The following ECSIT variants were observed in gnomAD, a reference collection of about 807,000 sequenced individuals.
The protein encoded by ECSIT is evolutionarily conserved signaling intermediate in Toll pathway, mitochondrial.
In ECSIT, 29 loss-of-function variants were observed where a neutral mutation model predicts 36.8. The ratio of observed to expected loss-of-function variants is 0.79; its 90% CI spans 0.59 to 1.08. The LOEUF (loss-of-function observed/expected upper bound fraction) is 1.08. Ranked by LOEUF, ECSIT falls within the 50% of genes least tolerant of loss-of-function variation. The pLI, the probability that ECSIT is intolerant of heterozygous loss-of-function variation, is 0.00. For synonymous variants in ECSIT, 231 were observed against 234.8 expected (o/e 0.98, Z 0.15); for missense variants, 542 against 581.0 (o/e 0.93, Z 0.69).
chr19:11,513,429 A>C, intron 3 of ECSIT, 150 bp from the exon 4 acceptor site: 1 of 812,596 alleles, frequency 1.2e-6, no homozygotes, highest in African/African-American at 1.7e-5. Context: ...TCATGCCTGT[A>C]ATCCCAGCAC....
intron 2 of ECSIT, among the ~76,000 whole-genome samples, chr19:11,517,083 T>G (rs892703945): frequency 1.3e-5 from 2 of 152,026 alleles, no homozygotes; most frequent in African/African-American, 4.8e-5. Flanking sequence ...ACTTTACAAA[T>G]GTGAGGCCCT....
chr19:11,524,757 C>G (rs1012717911), intron 1 of ECSIT, among the ~76,000 whole-genome samples: 28 of 151,978 alleles, frequency 1.8e-4, no homozygotes, highest in African/African-American at 6.5e-4. Flanking sequence ...CCCAGCAGTT[C>G]AAGGTTATAT....
intron 4 of ECSIT, among the ~76,000 whole-genome samples, 172 bp downstream of exon 4, chr19:11,512,884 A>G (rs964751230): frequency 6.6e-6 from 1 of 152,066 alleles, no homozygotes; most frequent in African/African-American, 2.4e-5. Context: ...CAGAGGCTGC[A>G]GTGAGCCGAG....
chr19:11,511,512 G>A (rs1330654943), intron 4 of ECSIT, among the ~76,000 whole-genome samples: 2 of 152,050 alleles, frequency 1.3e-5, no homozygotes, highest in African/African-American at 2.4e-5. Context: ...AACAGAGAAC[G>A]CAAAGCCCTG....
Position 11,513,958 on chromosome 19 carries a change from A to G in ECSIT, c.360T>C (p.Tyr120=). 3 of 1,614,230 alleles carry G rather than the reference A, an allele frequency of 1.9e-6. No homozygotes were observed. Among genetic ancestry groups the G allele is most frequent in the Non-Finnish European group, 2.5e-6 (3 of 1,180,046 alleles). The change falls in exon 3 of 8, where the codon TAT becomes TAC. Residue 120 remains tyrosine (Y), a synonymous_variant. Transcript: ENST00000270517. Reference sequence around the variant, plus strand: ...ACACAGCCAGGTCCCGCTCGACACCATACTCCCGCATCTTGCGCAGGGCCA... The same window carrying G: ...ACACAGCCAGGTCCCGCTCGACACCGTACTCCCGCATCTTGCGCAGGGCCA... ...IYLALRKMRE[Y]GVERDLAVYN... is the part of the protein sequence containing the mutation.
chr19:11,510,926 T>G (rs1971857853), intron 4 of ECSIT, among the ~76,000 whole-genome samples: 1 of 151,874 alleles, frequency 6.6e-6, no homozygotes, highest in African/African-American at 2.4e-5. Flanking sequence ...TTCCTTCTTC[T>G]TAAATCTCTG....
intron 1 of ECSIT, among the ~76,000 whole-genome samples, chr19:11,521,675 C>T (rs541652785): frequency 2.0e-5 from 3 of 152,146 alleles, no homozygotes; most frequent in East Asian, 3.9e-4. Context: ...ACTCAGGAGG[C>T]GGAGGCAGGA....
At chr19:11,514,955 C>T (rs1399248950) in intron 2 of ECSIT, among the ~76,000 whole-genome samples, 2 of 151,948 alleles carry the variant, frequency 1.3e-5, no homozygotes, top group East Asian at 3.9e-4. Flanking sequence ...TCTCATGCCT[C>T]AGCCTCCCAA....
In ECSIT at chr19:11,506,082, C is replaced by T; in HGVS notation, c.*102G>A. 1 of 1,515,498 alleles carries T rather than the reference C, an allele frequency of 6.6e-7. No individual in the cohort carries two copies. The highest frequency in any genetic ancestry group is 1.4e-5 in the African/African-American group (1 of 72,910). The allele number at this position is 1,515,498 out of a possible 1,614,324, so 93.9% of individuals were successfully genotyped here. A position where few individuals can be genotyped will look rare whatever the true frequency, so the allele number is the denominator to read the frequency against. ...CTGCTAGAGATGAGGGAAGAGAGCC[C>T]CAAGCAGGAAAACATTGATTTGCTG... On this transcript the variant is annotated 3_prime_UTR_variant, in exon 8 of 8. Coordinates refer to ENST00000270517, the MANE Select transcript of ECSIT (RefSeq NM_016581.5).
chr19:11,518,894 C>G (rs922529753), intron 2 of ECSIT, among the ~76,000 whole-genome samples, 181 bp downstream of exon 2: 6 of 152,060 alleles, frequency 3.9e-5, no homozygotes, highest in African/African-American at 1.4e-4. Flanking sequence ...GACACTGTCT[C>G]AAAAAACAAA....
chr19:11,514,095 G>C lies in ECSIT; in HGVS notation c.223C>G (p.Leu75Val). 1 of 1,614,148 alleles carries C rather than the reference G, an allele frequency of 6.2e-7. No individual in the cohort carries two copies. Among genetic ancestry groups the C allele is most frequent in the South Asian group, 1.1e-5 (1 of 91,090 alleles). The change falls in exon 3 of 8, where the codon CTG (leucine) becomes GTG (valine). Residue 75 changes from leucine (L) to valine (V), a missense_variant. Transcript: ENST00000270517. ...PTKALVPFEDLFGQAPGGERD... is the reference protein window; with the variant it reads ...PTKALVPFEDVFGQAPGGERD... ...TCCCCACCAGGCGCCTGCCCAAACA[G>C]GTCCTCAAAGGGCACCAGAGCCTTG...
Position 11,519,954 on chromosome 19 carries a change from A to G in ECSIT, c.-23-761T>C, listed in dbSNP as rs1387187099. 1 of 150,672 alleles carries G rather than the reference A, an allele frequency of 6.6e-6. No homozygotes were observed. The highest frequency in any genetic ancestry group is 1.5e-5 in the Non-Finnish European group (1 of 67,728). 9.3% of individuals were successfully genotyped at this position (150,672 alleles called of 1,614,324 possible). A position where few individuals can be genotyped will look rare whatever the true frequency, so the allele number is the denominator to read the frequency against. On this transcript the variant is annotated intron_variant, in intron 1 of 7. Coordinates refer to ENST00000270517, the MANE Select transcript of ECSIT (RefSeq NM_016581.5). The surrounding 1 kb of genome is among the most constrained non-coding windows in gnomAD (Gnocchi z 4.4). ...ATTACACCTCAGCCTGGGGAACAAC[A>G]GCAAAACTCCATCTCCAGAAAAAAA...
chr19:11,507,975 A>G lies in ECSIT; in HGVS notation c.796+16T>C, dbSNP rs1311051725. The G allele has an allele frequency of 1.2e-6, 2 of 1,613,896 alleles. No individual in the cohort carries two copies. Among genetic ancestry groups the G allele is most frequent in the Admixed American group, 1.7e-5 (1 of 59,950 alleles). ...TAAGGTTAGAGACTTGGCTGCCCCC[A>G]TGCTCTCGGACTTACCTACGATGTG... On this transcript the variant is annotated intron_variant, in intron 5 of 7. Transcript: ENST00000270517.
intron 2 of ECSIT, 121 bp from the exon 3 acceptor site, chr19:11,514,342 T>C (rs1221534669): frequency 1.7e-5 from 16 of 955,434 alleles, no homozygotes; most frequent in Non-Finnish European, 2.3e-5. Context: ...GGTATGGAAC[T>C]GTGGTTACAA....
At position 11,505,948 on chromosome 19, in the gene ECSIT, TCCCGCC is replaced by T; in HGVS notation, c.*230_*235del. 1.1e-6 allele frequency: 1 copy of T among 891,204 alleles called. No homozygotes were observed. The highest frequency in any genetic ancestry group is 1.6e-6 in the Non-Finnish European group (1 of 612,408). The allele number at this position is 891,204 out of a possible 1,614,324, so 55.2% of individuals were successfully genotyped here. ...TGCGCATGCGCACAACCAACAGCGC[TCCCGCC>T]CCTTTTTATTTGAATTCGGAGAACC... On this transcript the variant is annotated 3_prime_UTR_variant, in exon 8 of 8. Coordinates refer to ENST00000270517, the MANE Select transcript of ECSIT (RefSeq NM_016581.5).
chr19:11,522,534 C>T, intron 1 of ECSIT: 1 of 773,792 alleles, frequency 1.3e-6, no homozygotes, highest in South Asian at 1.5e-5. Context: ...CCCACGTAAA[C>T]TCAGGAACGC....
At chr19:11,526,801 C>G (rs748774001) in intron 1 of ECSIT, among the ~76,000 whole-genome samples, 4 of 151,194 alleles carry the variant, frequency 2.6e-5, no homozygotes, top group Non-Finnish European at 5.9e-5. Context: ...TCACTGCAAC[C>G]TCCGCCTCCC....
At chr19:11,509,511 T>C (rs1043713485) in intron 4 of ECSIT, among the ~76,000 whole-genome samples, 14 of 151,542 alleles carry the variant, frequency 9.2e-5, no homozygotes, top group Admixed American at 6.6e-4. Flanking sequence ...CTCATGCCTG[T>C]AATCCCAGCA....
chr19:11,513,347 GA>G, intron 3 of ECSIT, 68 bp from the exon 4 acceptor site: 1 of 1,296,134 alleles, frequency 7.7e-7, no homozygotes, highest in Non-Finnish European at 1.1e-6. Flanking sequence ...GAGGAGAAAA[GA>G]AAACAGTGAA....
Sources: gnomAD v4.1 joint callset for allele counts (sites outside exome capture counted in the v4.1 genomes callset) on GRCh38, gnomAD v4.1.1 for gene constraint, Gnocchi (gnomAD v3.1) non-coding constraint, MANE v1.5 for transcripts, NCBI Gene and HGNC (gene_info 2026-07-23, HGNC 2026-07-21) for gene names.